POFUT2: variants seen among roughly 807,000 people sequenced by gnomAD.
POFUT2 encodes GDP-fucose protein O-fucosyltransferase 2.
Under a neutral mutation model 55.0 loss-of-function variants are expected in POFUT2, and 30 were observed. The observed-to-expected ratio is 0.55, with a 90% CI of 0.41 to 0.74. POFUT2 has a LOEUF of 0.74. POFUT2 is among the 30% of genes least tolerant of loss of function. POFUT2 has a pLI of 0.00. For missense variants in POFUT2, 524 were observed against 562.6 expected (o/e 0.93, Z 0.69); for synonymous variants, 267 against 231.1 (o/e 1.16, Z -1.41).
At chr21:45,287,601 C>A in intron 1 of POFUT2, 140 bp downstream of exon 1, 1 of 899,792 alleles carries the variant, frequency 1.1e-6, no homozygotes, top group Non-Finnish European at 1.5e-6. Flanking sequence ...CTCCCTGGCC[C>A]CGGACCACCC....
At position 45,285,820 on chromosome 21, in the gene POFUT2, C is replaced by T; in HGVS notation, c.240G>A (p.Val80=). The change falls in exon 2 of 9, where the codon GTG becomes GTA. Residue 80 remains valine (V), a synonymous_variant. Transcript: ENST00000349485. The surrounding 1 kb of genome is among the most constrained non-coding windows in gnomAD (Gnocchi z 4.9). Reference sequence around the variant, plus strand: ...GGCGGCCCCATGGAGGCAGGACAAGCACCCACTCCTCCGTCTTCAGCAGAG... The same window carrying T: ...GGCGGCCCCATGGAGGCAGGACAAGTACCCACTCCTCCGTCTTCAGCAGAG... The part of the protein sequence containing the change: ...LKTLLKTEEW[V]LVLPPWGRLY... 1 of 1,613,542 alleles carries T rather than the reference C, an allele frequency of 6.2e-7. No individual in the cohort carries two copies. The highest frequency in any genetic ancestry group is 8.5e-7 in the Non-Finnish European group (1 of 1,179,988).
chr21:45,265,783 C>A lies in POFUT2; in HGVS notation c.1137-148G>T. The A allele has an allele frequency of 7.0e-7, 1 of 1,432,014 alleles. No individual in the cohort carries two copies. The highest frequency in any genetic ancestry group is 1.5e-5 in the South Asian group (1 of 67,880). 88.7% of individuals were successfully genotyped at this position (1,432,014 alleles called of 1,614,324 possible). ...GGCCGTCCCCCGAGCACCCACCAGC[C>A]GGCCGCCCCCTTGCTGGCACCCCTC... On this transcript the variant is annotated intron_variant, in intron 8 of 8. Transcript: ENST00000349485. The surrounding 1 kb of genome is among the most constrained non-coding windows in gnomAD (Gnocchi z 4.6).
chr21:45,276,625 G>A (rs578135305), intron 6 of POFUT2, among the ~76,000 whole-genome samples: 1 of 152,358 alleles, frequency 6.6e-6, no homozygotes, highest in East Asian at 1.9e-4. Flanking sequence ...GGTGAGTCCA[G>A]GTGAACGCTG....
rs879685284 is a variant in POFUT2, at chr21:45,264,373, G to T, written c.*1109C>A. ...AAGGGTAACGGGCCAAGAGGGTGAG[G>T]GGGGCTCCCTGACCCTGAGGACCCC... On this transcript the variant is annotated 3_prime_UTR_variant, in exon 9 of 9. Transcript: ENST00000349485. 2.0e-5 allele frequency: 3 copies of T among 152,460 alleles called. No homozygotes were observed. The East Asian group carries it at 5.8e-4, about 29-fold the overall frequency. The allele number at this position is 152,460 out of a possible 1,614,324, so 9.4% of individuals were successfully genotyped here.
chr21:45,267,901 T>C lies in POFUT2; in HGVS notation c.1013-188A>G, dbSNP rs192182601. On this transcript the variant is annotated intron_variant, in intron 7 of 8. Coordinates refer to ENST00000349485, the MANE Select transcript of POFUT2 (RefSeq NM_133635.6). This position sits in a 1 kb window ranked among gnomAD's most constrained non-coding sequence, Gnocchi z 4.4. ...CAGTTGAAGATCATGCAGATCTTCA[T>C]GGATCTGGGTAGTTCCAGGTCTACC... 1.3e-5 allele frequency among the ~76,000 whole-genome samples: 2 copies of C among 152,330 alleles called. No individual in the cohort carries two copies. Among genetic ancestry groups the C allele is most frequent in the Non-Finnish European group, 1.5e-5 (1 of 68,036 alleles).
chr21:45,268,270 C>T (rs1176301313), intron 7 of POFUT2, among the ~76,000 whole-genome samples: 1 of 152,278 alleles, frequency 6.6e-6, no homozygotes, highest in African/African-American at 2.4e-5. Flanking sequence ...CAGACGGAGT[C>T]TCGTTCACTC....
rs2030682668 is a variant in POFUT2 at position 45,281,871 on chromosome 21, C to T, written c.638+478G>A. Among the ~76,000 whole-genome samples, 2 of 152,078 alleles carry T rather than the reference C, an allele frequency of 1.3e-5. No homozygotes were observed. The highest frequency in any genetic ancestry group is 2.1e-4 in the South Asian group (1 of 4,804). ...AACCCCAGCCTCCTGGGTGGACCCTCGAGGCCCAGCTCACCAGGCCGGCGA... is the reference window on the plus strand; with the variant it reads ...AACCCCAGCCTCCTGGGTGGACCCTTGAGGCCCAGCTCACCAGGCCGGCGA... On this transcript the variant is annotated intron_variant, in intron 4 of 8. Transcript: ENST00000349485. The surrounding 1 kb of genome is among the most constrained non-coding windows in gnomAD (Gnocchi z 5.0).
Position 45,279,120 on chromosome 21 carries a change from A to G in POFUT2, c.639-951T>C, listed in dbSNP as rs936448796. On this transcript the variant is annotated intron_variant, in intron 4 of 8. Transcript: ENST00000349485. ...AAAAATTTTAATTTTGGCCAGGCGC[A>G]GTGGCTCACGCCTCTAATCCCAGCA... 9.2e-5 allele frequency among the ~76,000 whole-genome samples: 14 copies of G among 152,376 alleles called. No individual in the cohort carries two copies. The East Asian group carries it at 9.6e-4, about 10-fold the overall frequency.
In POFUT2 at chr21:45,267,673, C is replaced by T; in HGVS notation, c.1053G>A (p.Arg351=). 6.2e-7 allele frequency: 1 copy of T among 1,614,216 alleles called. No homozygotes were observed. The highest frequency in any genetic ancestry group is 2.2e-5 in the East Asian group (1 of 44,876). Residue 351 remains arginine (R), a synonymous_variant, in exon 8 of 9, where the codon AGG becomes AGA. Transcript: ENST00000349485. This position sits in a 1 kb window ranked among gnomAD's most constrained non-coding sequence, Gnocchi z 4.4. ...CCAGCTCCTCCCACGTGGGTTCAAA[C>T]CTCACCATCTCGGGTAACAGCTTTT... ...ELKKLLPEMV[R]FEPTWEELEL...
In POFUT2 at chr21:45,277,122, A is replaced by C; in HGVS notation, c.726T>G (p.Phe242Leu). 1 of 1,613,854 alleles carries C rather than the reference A, an allele frequency of 6.2e-7. No individual in the cohort carries two copies. The highest frequency in any genetic ancestry group is 2.2e-5 in the East Asian group (1 of 44,868). Residue 242 changes from phenylalanine to leucine, a missense_variant, in exon 6 of 9, where the codon TTT (phenylalanine) becomes TTG (leucine). Coordinates refer to ENST00000349485, the MANE Select transcript of POFUT2 (RefSeq NM_133635.6). The surrounding 1 kb of genome is among the most constrained non-coding windows in gnomAD (Gnocchi z 6.9). ...EYWDTRRSMV[F>L]ARHLREVGDE... Reference sequence around the variant, plus strand: ...CTCCCACCTCCCGCAGGTGCCTGGCAAACACCATGCTGCGACGGGTCTGTG... The same window carrying C: ...CTCCCACCTCCCGCAGGTGCCTGGCCAACACCATGCTGCGACGGGTCTGTG...
At position 45,277,770 on chromosome 21, in the gene POFUT2, A is replaced by T. The variant is rs1248674841; in HGVS notation, c.705+333T>A. On this transcript the variant is annotated intron_variant, in intron 5 of 8. Transcript: ENST00000349485. This position sits in a 1 kb window ranked among gnomAD's most constrained non-coding sequence, Gnocchi z 6.9. ...GCTGCAGAGAATAGTCCCACCTTTCAAAGCTAAAGAGAGGAGAAAGGAGGG... is the reference window on the plus strand; with the variant it reads ...GCTGCAGAGAATAGTCCCACCTTTCTAAGCTAAAGAGAGGAGAAAGGAGGG... 6 of 355,676 alleles carry T rather than the reference A, an allele frequency of 1.7e-5. No homozygotes were observed. Among genetic ancestry groups the T allele is most frequent in the Non-Finnish European group, 3.1e-5 (6 of 193,012 alleles). 22.0% of individuals were successfully genotyped at this position (355,676 alleles called of 1,614,324 possible). A position where few individuals can be genotyped will look rare whatever the true frequency, so the allele number is the denominator to read the frequency against.
chr21:45,275,780 G>A (rs867746869), intron 6 of POFUT2, among the ~76,000 whole-genome samples: 1 of 152,120 alleles, frequency 6.6e-6, no homozygotes, highest in South Asian at 2.1e-4. Context: ...ACTACACATT[G>A]GGGACAGTGT....
Position 45,282,446 on chromosome 21 carries a change from C to T in POFUT2, c.541G>A (p.Gly181Ser). The change falls in exon 4 of 9, where the codon GGT (glycine) becomes AGT (serine). Residue 181 changes from glycine to serine, a missense_variant. Coordinates refer to ENST00000349485, the MANE Select transcript of POFUT2 (RefSeq NM_133635.6). This position sits in a 1 kb window ranked among gnomAD's most constrained non-coding sequence, Gnocchi z 4.6. ...TTTAGACCCCTGGTCTCCTCATAAC[C>T]CCAAAACCATCCTCTGGAAAACAAA... is the stretch of plus-strand genomic sequence containing the variant. Reference protein sequence around the residue: ...KHEYYRGWFWGYEETRGLNVS... With the variant: ...KHEYYRGWFWSYEETRGLNVS... 6.2e-7 allele frequency: 1 copy of T among 1,607,082 alleles called. No individual in the cohort carries two copies. Among genetic ancestry groups the T allele is most frequent in the Non-Finnish European group, 8.5e-7 (1 of 1,173,916 alleles).
In POFUT2 at chr21:45,284,881, T is replaced by C. The variant is rs79878657; in HGVS notation, c.382+797A>G. ...AACAAGGATGTTGGAGGTTACCGCC[T>C]GTTGTTGCATGCCCCTAGCACTCAC... On this transcript the variant is annotated intron_variant, in intron 2 of 8. Coordinates refer to ENST00000349485, the MANE Select transcript of POFUT2 (RefSeq NM_133635.6). This position sits in a 1 kb window ranked among gnomAD's most constrained non-coding sequence, Gnocchi z 5.8. 2.3e-3 allele frequency among the ~76,000 whole-genome samples: 343 copies of C among 152,342 alleles called. 2 individuals carry two copies. Among genetic ancestry groups the C allele is most frequent in the African/African-American group, 8.0e-3 (332 of 41,578 alleles).
Position 45,270,014 on chromosome 21 carries a change from C to T in POFUT2, c.837G>A (p.Lys279=), listed in dbSNP as rs1475948658. 1.4e-5 allele frequency: 21 copies of T among 1,546,424 alleles called. No individual in the cohort carries two copies. The highest frequency in any genetic ancestry group is 1.6e-5 in the Non-Finnish European group (19 of 1,152,178). The change falls in exon 7 of 9, where the codon AAG becomes AAA. Residue 279 remains lysine (K), a synonymous_variant. Transcript: ENST00000349485. This position sits in a 1 kb window ranked among gnomAD's most constrained non-coding sequence, Gnocchi z 4.6. ...FQEDWMKMKV[K]LGSALGGPYL... The stretch of plus-strand genomic sequence containing the variant: ...AGGGGCCCCCTAGCGCGGAGCCCAG[C>T]TTGACCTAGCAAAGAACCACAAGGA...
chr21:45,281,995 G>A lies in POFUT2; in HGVS notation c.638+354C>T, dbSNP rs548624863. 1.3e-5 allele frequency among the ~76,000 whole-genome samples: 2 copies of A among 152,204 alleles called. No homozygotes were observed. Among genetic ancestry groups the A allele is most frequent in the East Asian group, 3.9e-4 (2 of 5,172 alleles). On this transcript the variant is annotated intron_variant, in intron 4 of 8. Transcript: ENST00000349485. The surrounding 1 kb of genome is among the most constrained non-coding windows in gnomAD (Gnocchi z 5.0). ...AACAGTGGGTGTTGGGTGTGGGGAGGGGGGAGGTACTGGTAAAAGCTGCCC... is the reference window on the plus strand; with the variant it reads ...AACAGTGGGTGTTGGGTGTGGGGAGAGGGGAGGTACTGGTAAAAGCTGCCC...
chr21:45,268,742 C>A (rs577374225), intron 7 of POFUT2, among the ~76,000 whole-genome samples: 10 of 149,760 alleles, frequency 6.7e-5, no homozygotes, highest in Middle Eastern at 3.5e-3. Flanking sequence ...AGCCTCTCCG[C>A]CCGGCAGCCA....
In POFUT2 at chr21:45,282,538, A is replaced by G; in HGVS notation, c.528-79T>C. ...AAACAAATCAAGTCTAGACACGCAC[A>G]CACTGTGGCTTGCTCCTGATGAAAC... On this transcript the variant is annotated intron_variant, in intron 3 of 8. Coordinates refer to ENST00000349485, the MANE Select transcript of POFUT2 (RefSeq NM_133635.6). This position sits in a 1 kb window ranked among gnomAD's most constrained non-coding sequence, Gnocchi z 4.6. 1 of 817,594 alleles carries G rather than the reference A, an allele frequency of 1.2e-6. No individual in the cohort carries two copies. Among genetic ancestry groups the G allele is most frequent in the Non-Finnish European group, 2.1e-6 (1 of 475,968 alleles). The allele number at this position is 817,594 out of a possible 1,614,324, so 50.6% of individuals were successfully genotyped here. A position where few individuals can be genotyped will look rare whatever the true frequency, so the allele number is the denominator to read the frequency against.
At chr21:45,271,239 T>C (rs540448225) in intron 6 of POFUT2, among the ~76,000 whole-genome samples, 1 of 152,070 alleles carries the variant, frequency 6.6e-6, no homozygotes, top group East Asian at 1.9e-4. Context: ...AAAGACACAC[T>C]TAAAGAAACG....
Sources: gnomAD v4.1 joint callset for allele counts (sites outside exome capture counted in the v4.1 genomes callset) on GRCh38, gnomAD v4.1.1 for gene constraint, Gnocchi (gnomAD v3.1) non-coding constraint, MANE v1.5 for transcripts, NCBI Gene and HGNC (gene_info 2026-07-23, HGNC 2026-07-21) for gene names.